The following LAMA1 variants were observed in gnomAD, a reference collection of about 807,000 sequenced individuals.
The protein encoded by LAMA1 is laminin subunit alpha-1.
In LAMA1, 219 loss-of-function variants were observed where a neutral mutation model predicts 348.7. That is an observed-to-expected ratio of 0.63 (90% CI 0.56 to 0.70). LAMA1 has a LOEUF of 0.70. Ranked by LOEUF, LAMA1 falls within the 30% of genes least tolerant of loss-of-function variation. LAMA1 has a pLI of 0.00. For synonymous variants in LAMA1, 1,487 were observed against 1,491.0 expected (o/e 1.00, Z 0.06); for missense variants, 3,744 against 3,888.0 (o/e 0.96, Z 0.99).
At chr18:6,979,827 G>GA (rs1220693191) in intron 42 of LAMA1, among the ~76,000 whole-genome samples, 2 of 151,908 alleles carry the variant, frequency 1.3e-5, no homozygotes, top group East Asian at 1.9e-4. Flanking sequence ...TGAACCCGGG[G>GA]GGCGGAGCTT....
chr18:6,981,771 G>C (rs1177412492), intron 41 of LAMA1, among the ~76,000 whole-genome samples: 1 of 152,066 alleles, frequency 6.6e-6, no homozygotes, highest in African/African-American at 2.4e-5. Context: ...ACCTGTAAAG[G>C]GTATGAGCTG....
intron 60 of LAMA1, among the ~76,000 whole-genome samples, chr18:6,947,646 C>T (rs1452260006): frequency 6.6e-6 from 1 of 152,202 alleles, no homozygotes; most frequent in Non-Finnish European, 1.5e-5. Context: ...ATCCCTTTAT[C>T]ATCATCCGAG....
rs2057893958 is a variant in LAMA1, at chr18:7,017,359, G to A, written c.2727C>T (p.Ser909=). 1.9e-6 allele frequency: 3 copies of A among 1,613,780 alleles called. No individual in the cohort carries two copies. Among genetic ancestry groups the A allele is most frequent in the African/African-American group, 2.7e-5 (2 of 74,862 alleles). The change falls in exon 20 of 63, where the codon TCC becomes TCT. Residue 909 remains serine (S), a synonymous_variant. Transcript: ENST00000389658. ...CRACECHVKG[S]HSAVCHLETG... is the part of the protein sequence containing the mutation. Reference sequence around the variant, plus strand: ...TCTCAAGATGGCACACGGCAGAATGGGAGCCTTTCACATGGCATTCACAGG... The same window carrying A: ...TCTCAAGATGGCACACGGCAGAATGAGAGCCTTTCACATGGCATTCACAGG...
At chr18:6,956,301 G>C in intron 56 of LAMA1, 1 of 419,880 alleles carries the variant, frequency 2.4e-6, no homozygotes, top group Non-Finnish European at 4.5e-6. Context: ...GTGCACAATG[G>C]CTTTACATGA....
chr18:7,100,414 G>C (rs75638509), intron 1 of LAMA1, among the ~76,000 whole-genome samples: 2,695 of 152,240 alleles, frequency 0.018, 84 homozygotes, highest in African/African-American at 0.062. Context: ...CTGTAAAACA[G>C]TGCAGACACT....
At chr18:7,019,020 G>A (rs1472106599) in intron 19 of LAMA1, among the ~76,000 whole-genome samples, 6 of 152,046 alleles carry the variant, frequency 3.9e-5, no homozygotes, top group Admixed American at 1.3e-4. Flanking sequence ...TAGCTGGACC[G>A]TGCGGACTCT....
Position 7,038,974 on chromosome 18 carries a change from G to A in LAMA1, c.1423-24C>T. The stretch of plus-strand genomic sequence containing the variant: ...TCCTGTAAGTTAGGGTAAAAGATTA[G>A]CTTTTGAAACCAATGTGTCTGTCCA... On this transcript the variant is annotated intron_variant, in intron 10 of 62. Coordinates refer to ENST00000389658, the MANE Select transcript of LAMA1 (RefSeq NM_005559.4). The A allele has an allele frequency of 3.1e-6, 5 of 1,599,840 alleles. No individual in the cohort carries two copies. The East Asian group carries it at 1.1e-4, about 36-fold the overall frequency.
chr18:7,026,869 C>T (rs1027397200), intron 16 of LAMA1, among the ~76,000 whole-genome samples: 19 of 151,600 alleles, frequency 1.3e-4, no homozygotes, highest in South Asian at 2.1e-4. Flanking sequence ...TGGTGGCGGG[C>T]GCCTGTAGTC....
Position 6,956,659 on chromosome 18 carries a change from A to T in LAMA1, c.8071T>A (p.Leu2691Met). Reference sequence around the variant, plus strand: ...ACTGGAAAAGCCCGGGGCTCTGGCAAGAGCTTGCTGTCCTCTGCATCGGGA... The same window carrying T: ...ACTGGAAAAGCCCGGGGCTCTGGCATGAGCTTGCTGTCCTCTGCATCGGGA... Reference protein sequence around the residue: ...LAPDAEDSKLLPEPRAFPEQC... With the variant: ...LAPDAEDSKLMPEPRAFPEQC... Residue 2691 changes from leucine to methionine, a missense_variant, in exon 56 of 63, where the codon TTG becomes ATG. Leu to Met is a conservative substitution (Grantham distance 15). Around this residue, in one of 3 missense-constraint regions of LAMA1, gnomAD observed 1,983 missense variants for 1,934.3 expected, o/e 1.03. Transcript: ENST00000389658. 6.2e-7 allele frequency: 1 copy of T among 1,614,188 alleles called. No homozygotes were observed. Among genetic ancestry groups the T allele is most frequent in the Non-Finnish European group, 8.5e-7 (1 of 1,180,026 alleles).
rs2057860348 is a variant in LAMA1, at chr18:7,011,481, TA to T, written c.3508-3del. ...AGGCTGATCGGAGCCCAGCGTTACC[TA>T]AACCACGAAAGGAGGGGAAAGTGCA... On this transcript the variant is annotated splice_polypyrimidine_tract_variant and splice_region_variant and intron_variant, in intron 24 of 62. Coordinates refer to ENST00000389658, the MANE Select transcript of LAMA1 (RefSeq NM_005559.4). The T allele has an allele frequency of 6.2e-7, 1 of 1,600,374 alleles. No homozygotes were observed. Among genetic ancestry groups the T allele is most frequent in the African/African-American group, 1.3e-5 (1 of 74,980 alleles).
At chr18:7,058,216 A>C (rs1487773588) in intron 3 of LAMA1, among the ~76,000 whole-genome samples, 12 of 152,212 alleles carry the variant, frequency 7.9e-5, no homozygotes, top group Non-Finnish European at 2.9e-5. Flanking sequence ...GAACAGCCGT[A>C]GTGAAAAACT....
intron 9 of LAMA1, 98 bp downstream of exon 9, chr18:7,042,047 A>C: frequency 1.2e-6 from 1 of 833,448 alleles, no homozygotes; most frequent in South Asian, 1.4e-5. Flanking sequence ...ATCAATAATC[A>C]TGTTACCAAC....
chr18:7,095,945 G>C (rs978936924), intron 1 of LAMA1, among the ~76,000 whole-genome samples: 3 of 152,198 alleles, frequency 2.0e-5, no homozygotes, highest in Non-Finnish European at 2.9e-5. Context: ...GCAGGCGCCT[G>C]TAATTCCAGT....
chr18:7,033,441 G>C (rs2057979953), intron 14 of LAMA1, among the ~76,000 whole-genome samples: 1 of 139,196 alleles, frequency 7.2e-6, no homozygotes, highest in Non-Finnish European at 1.5e-5. Flanking sequence ...GGGTGATAGA[G>C]GGAGACTCTG....
chr18:6,960,501 G>C (rs1456125918), intron 53 of LAMA1: 1 of 151,798 alleles, frequency 6.6e-6, no homozygotes, highest in Non-Finnish European at 1.5e-5. Flanking sequence ...GTTGCCAGGA[G>C]TGGGGAGAGA....
intron 1 of LAMA1, among the ~76,000 whole-genome samples, chr18:7,096,429 C>A (rs973221465): frequency 6.6e-6 from 1 of 152,132 alleles, no homozygotes; most frequent in African/African-American, 2.4e-5. Flanking sequence ...ATAATCCCAG[C>A]ATTTTGAGAA....
At chr18:7,087,073 T>C (rs1598313143) in intron 1 of LAMA1, among the ~76,000 whole-genome samples, 1 of 152,288 alleles carries the variant, frequency 6.6e-6, no homozygotes, top group South Asian at 2.1e-4. Context: ...CTTTGCTTCT[T>C]TGTGCGTCGG....
At chr18:6,944,866 T>G (rs1423116024) in intron 61 of LAMA1, among the ~76,000 whole-genome samples, 1 of 152,186 alleles carries the variant, frequency 6.6e-6, no homozygotes, top group African/African-American at 2.4e-5. Context: ...TATATGAAAC[T>G]GCTCAGTATT....
chr18:7,067,866 T>A (rs1309042805), intron 3 of LAMA1, among the ~76,000 whole-genome samples: 1 of 151,960 alleles, frequency 6.6e-6, no homozygotes, highest in African/African-American at 2.4e-5. Flanking sequence ...CATTTTTTTT[T>A]TTTTGAGACG....
Sources: gnomAD v4.1 joint callset for allele counts (sites outside exome capture counted in the v4.1 genomes callset) on GRCh38, gnomAD v4.1.1 for gene constraint, gnomAD v4.1.1 regional missense constraint, MANE v1.5 for transcripts, NCBI Gene and HGNC (gene_info 2026-07-23, HGNC 2026-07-21) for gene names.